Variants in PRR29 observed in about 807,000 individuals in gnomAD.
PRR29 encodes the protein proline-rich protein 29.
PRR29 carries 20 observed loss-of-function variants against 25.1 expected under a neutral mutation model. The observed-to-expected ratio is 0.80, with a 90% CI of 0.56 to 1.16. The LOEUF (loss-of-function observed/expected upper bound fraction) is 1.16. PRR29 is among the 50% of genes most tolerant of loss of function. The pLI is 0.00. For synonymous variants in PRR29, 108 were observed against 102.6 expected, an observed-to-expected ratio of 1.05 and a Z score of -0.32; for missense variants, 238 against 246.6, an observed-to-expected ratio of 0.97 and a Z score of 0.23.
At position 64,003,310 on chromosome 17, in the gene PRR29, G is replaced by A; in HGVS notation, c.*1549G>A. The A allele has an allele frequency of 7.0e-6, 3 of 430,796 alleles. No individual in the cohort carries two copies. Among genetic ancestry groups the A allele is most frequent in the Non-Finnish European group, 1.3e-5 (3 of 236,166 alleles). The allele number at this position is 430,796 out of a possible 1,614,324, so 26.7% of individuals were successfully genotyped here. On this transcript the variant is annotated 3_prime_UTR_variant, in exon 6 of 6. Transcript: ENST00000412177. ...GCTCCCTGTGTGCCGGCCGTCCAGG[G>A]TCACCAAGCAGCAGAGCTCTGGGGA...
At chr17:63,999,528 G>T in intron 3 of PRR29, 1 of 176,978 alleles carries the variant, frequency 5.7e-6, no homozygotes, top group Non-Finnish European at 1.2e-5. Context: ...TGCACATAGG[G>T]TTGGGGGATG....
At position 63,998,797 on chromosome 17, in the gene PRR29, T is replaced by TGGGCCCCCCCCCC; in HGVS notation, c.136+15_136+16insGGGCCCCCCCCCC. 1 of 1,062,606 alleles carries TGGGCCCCCCCCCC rather than the reference T, an allele frequency of 9.4e-7. No homozygotes were observed. Among genetic ancestry groups the TGGGCCCCCCCCCC allele is most frequent in the Non-Finnish European group, 1.3e-6 (1 of 761,704 alleles). 65.8% of individuals were successfully genotyped at this position (1,062,606 alleles called of 1,614,324 possible). ...CGTGAAGGAAGGTGAGACTCCCGGG[T>TGGGCCCCCCCCCC]CCCCCCACCCCACCCCCACCATCAC... On this transcript the variant is annotated intron_variant, in intron 2 of 5. Coordinates refer to ENST00000412177, the MANE Select transcript of PRR29 (RefSeq NM_001164257.2).
intron 3 of PRR29, chr17:63,999,301 G>A (rs1910401669): frequency 1.2e-5 from 7 of 584,996 alleles, no homozygotes; most frequent in Non-Finnish European, 1.8e-5. Flanking sequence ...TGTTTTCAAG[G>A]AGGTTTCCCT....
chr17:64,003,624 A>G lies in PRR29; in HGVS notation c.*1863A>G. On this transcript the variant is annotated 3_prime_UTR_variant, in exon 6 of 6. Coordinates refer to ENST00000412177, the MANE Select transcript of PRR29 (RefSeq NM_001164257.2). ...AAAGTGACTTATCACTCCCAACTCC[A>G]TCCACGGATCCCCCCTCACCATAGA... 1 of 1,601,074 alleles carries G rather than the reference A, an allele frequency of 6.2e-7. No individual in the cohort carries two copies. The highest frequency in any genetic ancestry group is 8.5e-7 in the Non-Finnish European group (1 of 1,172,120).
chr17:64,003,582 C>T lies in PRR29; in HGVS notation c.*1821C>T. On this transcript the variant is annotated 3_prime_UTR_variant, in exon 6 of 6. Transcript: ENST00000412177. ...TTCCCAAGTGGGACTCAAGATTTTTCTTCCCCCGAGGGGCTGAAAGTGACT... is the reference window on the plus strand; with the variant it reads ...TTCCCAAGTGGGACTCAAGATTTTTTTTCCCCCGAGGGGCTGAAAGTGACT... 6.7e-7 allele frequency: 1 copy of T among 1,493,964 alleles called. No homozygotes were observed. The highest frequency in any genetic ancestry group is 1.9e-5 in the Admixed American group (1 of 53,528). The allele number at this position is 1,493,964 out of a possible 1,614,324, so 92.5% of individuals were successfully genotyped here. A position where few individuals can be genotyped will look rare whatever the true frequency, so the allele number is the denominator to read the frequency against.
intron 3 of PRR29, 193 bp from the exon 4 acceptor site, chr17:64,000,891 C>A (rs1361894616): frequency 3.5e-6 from 2 of 574,178 alleles, no homozygotes; most frequent in East Asian, 3.0e-5. Flanking sequence ...TGGTCTCAAT[C>A]TCCTGACCTT....
intron 3 of PRR29, among the ~76,000 whole-genome samples, chr17:64,000,540 A>G (rs1009392310): frequency 6.6e-6 from 1 of 151,690 alleles, no homozygotes; most frequent in Non-Finnish European, 1.5e-5. Context: ...TATGTTAGCC[A>G]GGATGGTCTC....
chr17:64,002,882 C>T lies in PRR29; in HGVS notation c.*1121C>T, dbSNP rs1323646549. ...TCACGAACAGGGACAGCAACACCGA[C>T]ACCACCGTGACTATGATGACCATCT... On this transcript the variant is annotated 3_prime_UTR_variant, in exon 6 of 6. Coordinates refer to ENST00000412177, the MANE Select transcript of PRR29 (RefSeq NM_001164257.2). 1.2e-6 allele frequency: 2 copies of T among 1,613,784 alleles called. No individual in the cohort carries two copies. Among genetic ancestry groups the T allele is most frequent in the African/African-American group, 1.3e-5 (1 of 74,904 alleles).
In PRR29 at chr17:64,003,008, ACCCAGACC is replaced by A; in HGVS notation, c.*1258_*1265del. 2 of 1,348,614 alleles carry A rather than the reference ACCCAGACC, an allele frequency of 1.5e-6. No homozygotes were observed. The highest frequency in any genetic ancestry group is 2.0e-6 in the Non-Finnish European group (2 of 977,060). The allele number at this position is 1,348,614 out of a possible 1,614,324, so 83.5% of individuals were successfully genotyped here. A position where few individuals can be genotyped will look rare whatever the true frequency, so the allele number is the denominator to read the frequency against. ...AAAAGGGAGTGGAAGTCCACCCCCAACCCAGACCCCCAGACCCCGCCGCCCGCTCATGC... is the reference window on the plus strand; with the variant it reads ...AAAAGGGAGTGGAAGTCCACCCCCAACCCAGACCCCGCCGCCCGCTCATGC... On this transcript the variant is annotated 3_prime_UTR_variant, in exon 6 of 6. Coordinates refer to ENST00000412177, the MANE Select transcript of PRR29 (RefSeq NM_001164257.2).
Position 64,002,167 on chromosome 17 carries a change from C to T in PRR29, c.*406C>T. 5.5e-6 allele frequency: 4 copies of T among 732,690 alleles called. No individual in the cohort carries two copies. Among genetic ancestry groups the T allele is most frequent in the Non-Finnish European group, 8.7e-6 (4 of 458,158 alleles). The allele number at this position is 732,690 out of a possible 1,614,324, so 45.4% of individuals were successfully genotyped here. A position where few individuals can be genotyped will look rare whatever the true frequency, so the allele number is the denominator to read the frequency against. On this transcript the variant is annotated 3_prime_UTR_variant, in exon 6 of 6. Transcript: ENST00000412177. ...AGAGGGGAGGGGGGGATTCCTTCTG[C>T]TTTCCACAGCTTTGAAGGCCCCTTT...
intron 3 of PRR29, chr17:63,999,706 AGTGT>A (rs545165133): frequency 1.2e-5 from 2 of 162,344 alleles, no homozygotes; most frequent in Non-Finnish European, 1.3e-5. Flanking sequence ...TGTGTGCAAG[AGTGT>A]GTGTGTGTAT....
Position 64,002,928 on chromosome 17 carries a change from G to C in PRR29, c.*1167G>C, listed in dbSNP as rs1048413423. 6.2e-7 allele frequency: 1 copy of C among 1,612,664 alleles called. No individual in the cohort carries two copies. The highest frequency in any genetic ancestry group is 8.5e-7 in the Non-Finnish European group (1 of 1,179,232). On this transcript the variant is annotated 3_prime_UTR_variant, in exon 6 of 6. Transcript: ENST00000412177. ...CATCTGGCTGTCCGACACAGGCTCT[G>C]GGGAGGGAGGGGGCAAGGGTCTTAG... is the stretch of plus-strand genomic sequence containing the variant.
In PRR29 at chr17:64,001,858, A is replaced by G. The variant is rs1567841800; in HGVS notation, c.*97A>G. Reference sequence around the variant, plus strand: ...CTCTCTTGTCGACTCCCCGGTGCCCATGGCTGGCAGTCCTTCTCACTCCCT... The same window carrying G: ...CTCTCTTGTCGACTCCCCGGTGCCCGTGGCTGGCAGTCCTTCTCACTCCCT... On this transcript the variant is annotated 3_prime_UTR_variant, in exon 6 of 6. Coordinates refer to ENST00000412177, the MANE Select transcript of PRR29 (RefSeq NM_001164257.2). 5 of 1,536,676 alleles carry G rather than the reference A, an allele frequency of 3.3e-6. No individual in the cohort carries two copies. The highest frequency in any genetic ancestry group is 1.4e-5 in the African/African-American group (1 of 72,972).
chr17:64,000,665 TC>T (rs1209411593), intron 3 of PRR29, among the ~76,000 whole-genome samples: 4 of 150,628 alleles, frequency 2.7e-5, no homozygotes, highest in African/African-American at 9.8e-5. Flanking sequence ...TCCTTTTTTT[TC>T]TTTTGAGATG....
chr17:64,002,076 C>A lies in PRR29; in HGVS notation c.*315C>A. 7.6e-7 allele frequency: 1 copy of A among 1,320,582 alleles called. No individual in the cohort carries two copies. The highest frequency in any genetic ancestry group is 1.0e-6 in the Non-Finnish European group (1 of 970,788). The allele number at this position is 1,320,582 out of a possible 1,614,324, so 81.8% of individuals were successfully genotyped here. A position where few individuals can be genotyped will look rare whatever the true frequency, so the allele number is the denominator to read the frequency against. On this transcript the variant is annotated 3_prime_UTR_variant, in exon 6 of 6. Coordinates refer to ENST00000412177, the MANE Select transcript of PRR29 (RefSeq NM_001164257.2). ...AGGGGGAGGCCTGGGAACAGAGCCC[C>A]CACCCTCTCTCCCTCACCCCTCTCT...
Position 64,003,107 on chromosome 17 carries a change from G to GA in PRR29, c.*1352dup. ...GTGTCTGCATTAAAATTATTATCTGGAAAAAAGGTGGCCCAGGGCTCAGGC... is the reference window on the plus strand; with the variant it reads ...GTGTCTGCATTAAAATTATTATCTGGAAAAAAAGGTGGCCCAGGGCTCAGGC... On this transcript the variant is annotated 3_prime_UTR_variant, in exon 6 of 6. Transcript: ENST00000412177. 5.1e-6 allele frequency: 3 copies of GA among 585,224 alleles called. No individual in the cohort carries two copies. The highest frequency in any genetic ancestry group is 2.2e-5 in the South Asian group (1 of 44,626). 36.3% of individuals were successfully genotyped at this position (585,224 alleles called of 1,614,324 possible).
Position 64,002,966 on chromosome 17 carries a change from C to A in PRR29, c.*1205C>A. 6.3e-7 allele frequency: 1 copy of A among 1,584,434 alleles called. No individual in the cohort carries two copies. ...GCAAGGGTCTTAGACGTCCTGTGAT[C>A]CCAGTTACCAGGGACCAAAAGGGAG... On this transcript the variant is annotated 3_prime_UTR_variant, in exon 6 of 6. Transcript: ENST00000412177.
At position 64,003,711 on chromosome 17, in the gene PRR29, C is replaced by T; in HGVS notation, c.*1950C>T. The T allele has an allele frequency of 6.2e-7, 1 of 1,614,196 alleles. No individual in the cohort carries two copies. The highest frequency in any genetic ancestry group is 2.2e-5 in the East Asian group (1 of 44,882). ...TGTTGCCACCGCGAGACATCAAGTC[C>T]AGCACAGCCAGGCAGGAGAAGTTGC... is the stretch of plus-strand genomic sequence containing the variant. On this transcript the variant is annotated 3_prime_UTR_variant, in exon 6 of 6. Coordinates refer to ENST00000412177, the MANE Select transcript of PRR29 (RefSeq NM_001164257.2).
At chr17:63,999,272 G>A (rs1247731083) in intron 3 of PRR29, 198 bp downstream of exon 3, 1 of 594,508 alleles carries the variant, frequency 1.7e-6, no homozygotes, top group African/African-American at 1.9e-5. Flanking sequence ...ACCCCCCAAA[G>A]TCCAGACCAC....
Sources: allele counts gnomAD v4.1 joint callset (sites outside exome capture counted in the v4.1 genomes callset), GRCh38; gene constraint gnomAD v4.1.1; transcripts MANE v1.5; gene names NCBI Gene and HGNC (gene_info 2026-07-23, HGNC 2026-07-21).